Variants in ROBO1 observed in about 807,000 individuals in gnomAD.
The protein encoded by ROBO1 is roundabout guidance receptor 1.
In ROBO1, 149 loss-of-function variants were observed where a neutral mutation model predicts 195.9. The observed-to-expected ratio is 0.76, with a 90% CI of 0.67 to 0.87. The LOEUF is 0.87. ROBO1 is among the 40% of genes least tolerant of loss of function. ROBO1 has a pLI of 0.00. For synonymous variants in ROBO1, 816 were observed against 733.2 expected, an observed-to-expected ratio of 1.11 and a Z score of -1.82; for missense variants, 1,933 against 2,068.3, an observed-to-expected ratio of 0.93 and a Z score of 1.27.
intron 1 of ROBO1, among the ~76,000 whole-genome samples, chr3:79,725,923 T>TA (rs34094035): frequency 3.3e-4 from 49 of 149,614 alleles, no homozygotes; most frequent in Admixed American, 6.7e-4. Context: ...AAACTTTTCT[T>TA]AAAAAAAAAA....
intron 25 of ROBO1, among the ~76,000 whole-genome samples, chr3:78,630,321 T>C (rs2107500562): frequency 6.6e-6 from 1 of 152,298 alleles, no homozygotes; most frequent in African/African-American, 2.4e-5. Context: ...ATATTGTGGA[T>C]AATGAGATTT....
intron 1 of ROBO1, among the ~76,000 whole-genome samples, chr3:79,738,908 T>C (rs1703504785): frequency 6.6e-6 from 1 of 152,138 alleles, no homozygotes; most frequent in African/African-American, 2.4e-5. Context: ...GTGATACATA[T>C]TATAGAATGA....
intron 3 of ROBO1, among the ~76,000 whole-genome samples, chr3:78,978,925 A>G (rs1017014797): frequency 2.6e-5 from 4 of 152,168 alleles, no homozygotes; most frequent in Non-Finnish European, 5.9e-5. Context: ...GTACTCTTCA[A>G]GTTCTGACAT....
chr3:78,932,850 A>G (rs889102329), intron 4 of ROBO1, among the ~76,000 whole-genome samples: 12 of 152,248 alleles, frequency 7.9e-5, no homozygotes, highest in African/African-American at 2.9e-4. Context: ...ATTAGCACAT[A>G]TTACTTCTGC....
intron 4 of ROBO1, among the ~76,000 whole-genome samples, chr3:78,767,634 T>C (rs1297228426): frequency 5.3e-5 from 8 of 152,190 alleles, no homozygotes; most frequent in Admixed American, 5.2e-4. Context: ...GTATCTAATT[T>C]TTCCTGATTT....
intron 21 of ROBO1, among the ~76,000 whole-genome samples, chr3:78,642,398 T>C (rs1346807272): frequency 5.3e-5 from 8 of 152,298 alleles, no homozygotes; most frequent in African/African-American, 1.7e-4. Flanking sequence ...GGAAGCCTTG[T>C]CAGGCTATAG....
intron 1 of ROBO1, among the ~76,000 whole-genome samples, chr3:79,668,279 G>A (rs1212758322): frequency 6.6e-6 from 1 of 151,154 alleles, no homozygotes; most frequent in East Asian, 1.9e-4. Flanking sequence ...TGGGAAGCAT[G>A]GTTCCTTCCA....
At chr3:79,166,209 G>A (rs1021697012) in intron 2 of ROBO1, among the ~76,000 whole-genome samples, 1 of 152,052 alleles carries the variant, frequency 6.6e-6, no homozygotes, top group African/African-American at 2.4e-5. Flanking sequence ...GATCATAAAG[G>A]CACAGAAAAT....
chr3:78,985,999 T>C (rs1236542096), intron 3 of ROBO1, among the ~76,000 whole-genome samples: 1 of 152,106 alleles, frequency 6.6e-6, no homozygotes, highest in Non-Finnish European at 1.5e-5. Context: ...ATGAAGTTAA[T>C]GATCATGCAC....
chr3:79,752,436 G>A (rs549647032), intron 1 of ROBO1, among the ~76,000 whole-genome samples: 1 of 152,106 alleles, frequency 6.6e-6, no homozygotes, highest in Admixed American at 6.6e-5. Flanking sequence ...CATTGAATAA[G>A]TATGATGAGA....
At chr3:79,198,768 G>A (rs2081695481) in intron 2 of ROBO1, among the ~76,000 whole-genome samples, 2 of 152,076 alleles carry the variant, frequency 1.3e-5, no homozygotes, top group African/African-American at 4.8e-5. Context: ...CTTGTAAGTT[G>A]GATTCCTAGG....
At chr3:79,679,550 A>G (rs186199745) in intron 1 of ROBO1, among the ~76,000 whole-genome samples, 25 of 152,196 alleles carry the variant, frequency 1.6e-4, no homozygotes, top group African/African-American at 5.3e-4. Context: ...AATTTTTTAA[A>G]TGTTCAAATG....
rs372438238 is a variant in ROBO1, at chr3:79,055,101, G to T, written c.172+70355C>A. Among the ~76,000 whole-genome samples the T allele has an allele frequency of 6.6e-5, 10 of 152,130 alleles. No homozygotes were observed. The South Asian group carries it at 2.1e-3, about 32-fold the overall frequency. ...CACTGGCCCTTTACCTCAAGGTTTG[G>T]TGGGCCTGGTGTTAGGTGGGGCATC... is the stretch of plus-strand genomic sequence containing the variant. On this transcript the variant is annotated intron_variant, in intron 3 of 30. Transcript: ENST00000464233.
At chr3:78,889,848 A>G (rs908596898) in intron 4 of ROBO1, among the ~76,000 whole-genome samples, 1 of 152,116 alleles carries the variant, frequency 6.6e-6, no homozygotes, top group South Asian at 2.1e-4. Flanking sequence ...ATTTTTGATA[A>G]AAATACAACT....
At chr3:79,425,710 T>TACACACACAC (rs140963554) in intron 2 of ROBO1, among the ~76,000 whole-genome samples, 2 of 146,622 alleles carry the variant, frequency 1.4e-5, no homozygotes, top group Non-Finnish European at 3.0e-5. Flanking sequence ...CACACACACA[T>TACACACACAC]ACACACACAC....
At chr3:78,673,258 A>G (rs1024123441) in intron 10 of ROBO1, among the ~76,000 whole-genome samples, 2 of 151,528 alleles carry the variant, frequency 1.3e-5, no homozygotes, top group African/African-American at 2.4e-5. Flanking sequence ...AGTTTCTAGT[A>G]TAGTGCCTGG....
intron 4 of ROBO1, among the ~76,000 whole-genome samples, chr3:78,927,561 T>C (rs1229185201): frequency 6.6e-6 from 1 of 152,202 alleles, no homozygotes; most frequent in Admixed American, 6.5e-5. Context: ...AAAAGAGGTA[T>C]GTTTAAAAGT....
intron 2 of ROBO1, among the ~76,000 whole-genome samples, chr3:79,479,380 T>C (rs187109786): frequency 6.6e-6 from 1 of 152,270 alleles, no homozygotes; most frequent in Admixed American, 6.5e-5. Context: ...CACATTCCTA[T>C]GAAAATTGAA....
At chr3:78,709,677 T>G (rs1340044686) in intron 8 of ROBO1, among the ~76,000 whole-genome samples, 1 of 152,216 alleles carries the variant, frequency 6.6e-6, no homozygotes, top group Non-Finnish European at 1.5e-5. Flanking sequence ...ATTTCATCCA[T>G]GTTTTGAAAT....
Sources: gnomAD v4.1 joint callset for allele counts (sites outside exome capture counted in the v4.1 genomes callset) on GRCh38, gnomAD v4.1.1 for gene constraint, MANE v1.5 for transcripts, NCBI Gene and HGNC (gene_info 2026-07-23, HGNC 2026-07-21) for gene names.